Variants in NUGGC observed in about 807,000 individuals in gnomAD.
The protein encoded by NUGGC is nuclear GTPase, germinal center associated, also known as nuclear GTPase SLIP-GC.
NUGGC carries 58 observed loss-of-function variants against 92.6 expected under a neutral mutation model. That is an observed-to-expected ratio of 0.63 (90% CI 0.51 to 0.78). The LOEUF (loss-of-function observed/expected upper bound fraction) is 0.78. Among genes scored for constraint, NUGGC ranks in the 30% least tolerant of loss-of-function variants. NUGGC has a pLI of 0.00. For synonymous variants in NUGGC, 376 were observed against 366.4 expected (o/e 1.03, Z -0.30); for missense variants, 925 against 964.6 (o/e 0.96, Z 0.54).
chr8:28,058,896 G>A (rs946876399), intron 8 of NUGGC, among the ~76,000 whole-genome samples: 1 of 151,888 alleles, frequency 6.6e-6, no homozygotes, highest in African/African-American at 2.4e-5. Context: ...TAGTACAGAT[G>A]GGTTTCACCA....
intron 18 of NUGGC, among the ~76,000 whole-genome samples, chr8:28,024,707 A>C (rs1425624010): frequency 6.6e-6 from 1 of 152,106 alleles, no homozygotes; most frequent in Non-Finnish European, 1.5e-5. Context: ...ACTCATGAGC[A>C]GAGGGGAGTT....
intron 1 of NUGGC, among the ~76,000 whole-genome samples, chr8:28,077,997 G>T (rs941992576): frequency 3.9e-5 from 6 of 152,160 alleles, no homozygotes; most frequent in Non-Finnish European, 8.8e-5. Flanking sequence ...AGAATCACAA[G>T]AACTTTAGTT....
At chr8:28,068,801 A>G (rs1401330082) in intron 4 of NUGGC, among the ~76,000 whole-genome samples, 2 of 152,074 alleles carry the variant, frequency 1.3e-5, no homozygotes, top group Non-Finnish European at 2.9e-5. Context: ...CAGTGGTGCA[A>G]TTATGGCTCA....
rs573080565 is a variant in NUGGC, at chr8:28,048,781, T to G, written c.1207-1169A>C. On this transcript the variant is annotated intron_variant, in intron 10 of 18. Coordinates refer to ENST00000413272, the MANE Select transcript of NUGGC (RefSeq NM_001010906.2). Reference sequence around the variant, plus strand: ...GGGAGGCTGAGACAAGAGAATTGTTTGAACCCGGGAGGTAGAGGTTGCAAT... The same window carrying G: ...GGGAGGCTGAGACAAGAGAATTGTTGGAACCCGGGAGGTAGAGGTTGCAAT... Among the ~76,000 whole-genome samples, 26 of 150,884 alleles carry G rather than the reference T, an allele frequency of 1.7e-4. 1 individual carries two copies. The South Asian group carries it at 5.2e-3, about 30-fold the overall frequency.
chr8:28,060,388 T>C (rs1810268857), intron 8 of NUGGC, 38 bp downstream of exon 8: 12 of 1,605,010 alleles, frequency 7.5e-6, no homozygotes, highest in Non-Finnish European at 9.4e-6. Context: ...GGAAAGCCCC[T>C]GACTGGAGCC....
intron 10 of NUGGC, among the ~76,000 whole-genome samples, chr8:28,049,980 G>T (rs150002826): frequency 6.6e-6 from 1 of 152,106 alleles, no homozygotes; most frequent in African/African-American, 2.4e-5. Context: ...CCAACTACTC[G>T]GGAGGCTGAA....
chr8:28,034,949 G>A (rs1462684619), intron 13 of NUGGC, among the ~76,000 whole-genome samples: 1 of 152,152 alleles, frequency 6.6e-6, no homozygotes, highest in Non-Finnish European at 1.5e-5. Flanking sequence ...ATGATACGAT[G>A]TTAGTATGTA....
chr8:28,067,414 T>C, intron 6 of NUGGC, 100 bp downstream of exon 6: 3 of 747,284 alleles, frequency 4.0e-6, no homozygotes, highest in Non-Finnish European at 6.7e-6. Flanking sequence ...ATTTCTTATT[T>C]CACACAAACA....
chr8:28,063,191 G>T (rs534741204), intron 7 of NUGGC, among the ~76,000 whole-genome samples: 1 of 152,288 alleles, frequency 6.6e-6, no homozygotes, highest in African/African-American at 2.4e-5. Flanking sequence ...AACTTCTTGT[G>T]AGAGGAGGTC....
chr8:28,076,401 C>G (rs546356401), intron 1 of NUGGC, among the ~76,000 whole-genome samples: 1 of 152,156 alleles, frequency 6.6e-6, no homozygotes, highest in Non-Finnish European at 1.5e-5. Flanking sequence ...TGGGTTCAAG[C>G]GATTTTCCTG....
At chr8:28,029,753 AAAAC>A (rs1188569017) in intron 16 of NUGGC, among the ~76,000 whole-genome samples, 3 of 152,182 alleles carry the variant, frequency 2.0e-5, no homozygotes, top group African/African-American at 7.2e-5. Context: ...CCATCTCAAA[AAAAC>A]AAACAAAAAA....
In NUGGC at chr8:28,023,019, G is replaced by A. The variant is rs190815827; in HGVS notation, c.*298C>T. On this transcript the variant is annotated 3_prime_UTR_variant, in exon 19 of 19. Coordinates refer to ENST00000413272, the MANE Select transcript of NUGGC (RefSeq NM_001010906.2). ...CAGGAGGTGGAGGTTGCAGTGAGCC[G>A]AGATTGCACCACTGCATTCCAGCCT... 5 of 208,348 alleles carry A rather than the reference G, an allele frequency of 2.4e-5. No individual in the cohort carries two copies. The highest frequency in any genetic ancestry group is 1.1e-4 in the East Asian group (1 of 9,188). 12.9% of individuals were successfully genotyped at this position (208,348 alleles called of 1,614,324 possible).
intron 12 of NUGGC, among the ~76,000 whole-genome samples, chr8:28,043,814 G>C (rs951319896): frequency 6.6e-6 from 1 of 152,172 alleles, no homozygotes; most frequent in Non-Finnish European, 1.5e-5. Context: ...TGGGCAAAGA[G>C]ACAAATTTCA....
chr8:28,079,641 G>T (rs1183259079), intron 1 of NUGGC, among the ~76,000 whole-genome samples: 1 of 152,188 alleles, frequency 6.6e-6, no homozygotes, highest in Non-Finnish European at 1.5e-5. Flanking sequence ...GGCAATGAGG[G>T]CTGAAACTCA....
intron 13 of NUGGC, among the ~76,000 whole-genome samples, chr8:28,040,624 C>CTT (rs59192296): frequency 1.1e-4 from 16 of 149,922 alleles, no homozygotes; most frequent in African/African-American, 3.9e-4. Context: ...TCCTCTGGCT[C>CTT]TTTTTTTTTG....
At chr8:28,033,409 A>C in intron 14 of NUGGC, 131 bp downstream of exon 14, 1 of 840,098 alleles carries the variant, frequency 1.2e-6, no homozygotes, top group Non-Finnish European at 1.8e-6. Flanking sequence ...TGTTTTGCCA[A>C]GGACTAAGGT....
chr8:28,068,150 CGAAAAAGGAAGAAAGGAAG>C, intron 5 of NUGGC, 47 bp downstream of exon 5: 1 of 959,618 alleles, frequency 1.0e-6, no homozygotes, highest in South Asian at 1.5e-5. Context: ...AAGGAGGGAA[CGAAAAAGGAAGAAAGGAAG>C]GAAAAAGGAA....
At chr8:28,053,420 A>G (rs1339646716) in intron 10 of NUGGC, among the ~76,000 whole-genome samples, 3 of 152,256 alleles carry the variant, frequency 2.0e-5, no homozygotes, top group Admixed American at 2.0e-4. Context: ...CAGGAATTCA[A>G]CGTTGCAGTG....
At chr8:28,076,579 G>C (rs1466417189) in intron 1 of NUGGC, among the ~76,000 whole-genome samples, 1 of 152,216 alleles carries the variant, frequency 6.6e-6, no homozygotes, top group Admixed American at 6.5e-5. Context: ...TTACAGGTGT[G>C]AGCCACCATG....
Sources: gnomAD v4.1 joint callset for allele counts (sites outside exome capture counted in the v4.1 genomes callset) on GRCh38, gnomAD v4.1.1 for gene constraint, MANE v1.5 for transcripts, NCBI Gene and HGNC (gene_info 2026-07-23, HGNC 2026-07-21) for gene names.